The following GLRA3 variants were observed in gnomAD, a reference collection of about 807,000 sequenced individuals.
GLRA3 encodes the protein glycine receptor alpha 3.
A neutral mutation model predicts 60.4 loss-of-function variants in GLRA3; 44 were observed. The ratio of observed to expected loss-of-function variants is 0.73; its 90% CI spans 0.57 to 0.94. The LOEUF (loss-of-function observed/expected upper bound fraction) is 0.94. Among genes scored for constraint, GLRA3 ranks in the 40% least tolerant of loss-of-function variants. GLRA3 has a pLI of 0.00. For synonymous variants in GLRA3, 223 were observed against 192.9 expected, an observed-to-expected ratio of 1.16 and a Z score of -1.29; for missense variants, 508 against 564.6, an observed-to-expected ratio of 0.90 and a Z score of 1.02.
intron 4 of GLRA3, chr4:174,722,693 T>C (rs936887291): frequency 6.1e-6 from 1 of 164,132 alleles, no homozygotes; most frequent in Non-Finnish European, 1.5e-5. Flanking sequence ...AATATGTAAG[T>C]TCAATTAGTC....
chr4:174,796,694 G>A (rs1275976908), intron 1 of GLRA3, among the ~76,000 whole-genome samples: 1 of 151,860 alleles, frequency 6.6e-6, no homozygotes, highest in East Asian at 1.9e-4. Context: ...ATGCCACCAC[G>A]CCCAGCTAAT....
chr4:174,808,901 A>G (rs1041839777), intron 1 of GLRA3, among the ~76,000 whole-genome samples: 2 of 152,218 alleles, frequency 1.3e-5, no homozygotes, highest in Non-Finnish European at 2.9e-5. Context: ...GTTATCAAAG[A>G]GTCAAAAATT....
intron 1 of GLRA3, among the ~76,000 whole-genome samples, chr4:174,795,885 G>T (rs991081559): frequency 6.6e-6 from 1 of 150,898 alleles, no homozygotes; most frequent in Non-Finnish European, 1.5e-5. Context: ...TTCTTAATAC[G>T]GTGTGAGCAA....
intron 3 of GLRA3, among the ~76,000 whole-genome samples, chr4:174,752,152 T>C (rs1473374774): frequency 6.6e-6 from 1 of 152,146 alleles, no homozygotes; most frequent in Non-Finnish European, 1.5e-5. Context: ...TCAGAATTTT[T>C]AGCCTTTTTA....
chr4:174,797,496 A>G (rs1739618419), intron 1 of GLRA3, among the ~76,000 whole-genome samples: 1 of 152,166 alleles, frequency 6.6e-6, no homozygotes, highest in Non-Finnish European at 1.5e-5. Flanking sequence ...AATTTTTTTT[A>G]ACTTAGGTAT....
chr4:174,756,194 T>A lies in GLRA3; in HGVS notation c.267+10769A>T, dbSNP rs146607797. ...CACTCATGGAAGAAATAACAGTTCA[T>A]CAATTTTACATGAACCATTTTAAAG... On this transcript the variant is annotated intron_variant, in intron 3 of 9. Coordinates refer to ENST00000274093, the MANE Select transcript of GLRA3 (RefSeq NM_006529.4). Among the ~76,000 whole-genome samples, 6 of 152,258 alleles carry A rather than the reference T, an allele frequency of 3.9e-5. No individual in the cohort carries two copies. In the East Asian group the frequency reaches 1.2e-3, roughly 29 times the overall value.
chr4:174,734,764 T>C (rs1736704810), intron 3 of GLRA3, among the ~76,000 whole-genome samples: 1 of 152,136 alleles, frequency 6.6e-6, no homozygotes, highest in South Asian at 2.1e-4. Context: ...ATTAAAATAC[T>C]AGCAAAAACA....
At chr4:174,666,762 TA>T (rs1300996144) in intron 7 of GLRA3, among the ~76,000 whole-genome samples, 2,178 of 32,264 alleles carry the variant, frequency 0.068, 36 homozygotes, top group South Asian at 0.3. Flanking sequence ...ATATATATTA[TA>T]TATATATATA....
chr4:174,672,079 C>T (rs1733928892), intron 7 of GLRA3, among the ~76,000 whole-genome samples: 1 of 152,256 alleles, frequency 6.6e-6, no homozygotes, highest in African/African-American at 2.4e-5. Flanking sequence ...TTTGCAATCT[C>T]CACAGGCTAC....
intron 1 of GLRA3, 80 bp downstream of exon 1, chr4:174,828,661 G>A (rs1479019782): frequency 3.6e-6 from 3 of 833,404 alleles, no homozygotes; most frequent in Admixed American, 3.6e-5. Context: ...CAAATTTCCC[G>A]GTCTCATCAA....
intron 2 of GLRA3, among the ~76,000 whole-genome samples, chr4:174,779,803 T>C (rs2111273665): frequency 6.6e-6 from 1 of 151,132 alleles, no homozygotes; most frequent in East Asian, 2.0e-4. Flanking sequence ...CCAAGAAATA[T>C]GGGACTATGT....
chr4:174,805,592 A>T (rs1230371939), intron 1 of GLRA3, among the ~76,000 whole-genome samples: 1 of 152,114 alleles, frequency 6.6e-6, no homozygotes, highest in African/African-American at 2.4e-5. Flanking sequence ...CTCATGAAAG[A>T]TTCAGAGCTA....
At chr4:174,658,298 T>C (rs1428979826) in intron 8 of GLRA3, among the ~76,000 whole-genome samples, 1 of 152,164 alleles carries the variant, frequency 6.6e-6, no homozygotes, top group Non-Finnish European at 1.5e-5. Context: ...TGCGTGGATC[T>C]GCGGTTGATA....
At chr4:174,794,149 T>A (rs1032646408) in intron 1 of GLRA3, among the ~76,000 whole-genome samples, 5 of 152,130 alleles carry the variant, frequency 3.3e-5, no homozygotes, top group African/African-American at 1.2e-4. Context: ...AATAAGAAAA[T>A]AAAAAAATCA....
intron 2 of GLRA3, among the ~76,000 whole-genome samples, chr4:174,771,170 C>T (rs1738369786): frequency 6.6e-6 from 1 of 151,682 alleles, no homozygotes; most frequent in Non-Finnish European, 1.5e-5. Context: ...CAACATGGCA[C>T]ATGTATACAT....
chr4:174,817,931 A>G (rs973820097), intron 1 of GLRA3, among the ~76,000 whole-genome samples: 1 of 152,222 alleles, frequency 6.6e-6, no homozygotes. Context: ...TTAATTAAAT[A>G]TGAAATTATA....
intron 5 of GLRA3, among the ~76,000 whole-genome samples, chr4:174,698,322 G>A (rs574557124): frequency 6.6e-6 from 1 of 152,184 alleles, no homozygotes; most frequent in South Asian, 2.1e-4. Context: ...GGGACTACAG[G>A]CAGGTGTCAC....
chr4:174,640,601 A>C lies in GLRA3; in HGVS notation c.*3185T>G, dbSNP rs1242039631. ...CTACTTAAGTTGCACTGAGTACTAAAGTAGTGAACAGCTTGCTCTCTTCTG... is the reference window on the plus strand; with the variant it reads ...CTACTTAAGTTGCACTGAGTACTAACGTAGTGAACAGCTTGCTCTCTTCTG... On this transcript the variant is annotated 3_prime_UTR_variant, in exon 10 of 10. Transcript: ENST00000274093. 1 of 152,090 alleles carries C rather than the reference A, an allele frequency of 6.6e-6. No homozygotes were observed. The highest frequency in any genetic ancestry group is 2.4e-5 in the African/African-American group (1 of 41,448). The allele number at this position is 152,090 out of a possible 1,614,324, so 9.4% of individuals were successfully genotyped here.
chr4:174,821,030 T>G (rs1740722130), intron 1 of GLRA3, among the ~76,000 whole-genome samples: 1 of 152,194 alleles, frequency 6.6e-6, no homozygotes, highest in African/African-American at 2.4e-5. Flanking sequence ...AACTAAAAGT[T>G]AACTTTAAGA....
Sources: allele counts gnomAD v4.1 joint callset (sites outside exome capture counted in the v4.1 genomes callset), GRCh38; gene constraint gnomAD v4.1.1; transcripts MANE v1.5; gene names NCBI Gene and HGNC (gene_info 2026-07-23, HGNC 2026-07-21).